Variants in EPPK1 observed in about 807,000 individuals in gnomAD.
The protein encoded by EPPK1 is epiplakin.
For missense variants in EPPK1, 3,823 were observed against 3,673.3 expected (o/e 1.04, Z -1.05); for synonymous variants, 1,862 against 1,721.2 (o/e 1.08, Z -2.03).
chr8:143,866,088 G>A lies in EPPK1; in HGVS notation c.7166C>T (p.Pro2389Leu). 3.7e-6 allele frequency: 1 copy of A among 272,444 alleles called. No homozygotes were observed. Among genetic ancestry groups the A allele is most frequent in the East Asian group, 6.8e-5 (1 of 14,672 alleles). The allele number at this position is 272,444 out of a possible 1,614,324, so 16.9% of individuals were successfully genotyped here. A position where few individuals can be genotyped will look rare whatever the true frequency, so the allele number is the denominator to read the frequency against. ...GTACGTGAGGTTCTCGTGCGTGTTG[G>A]GGTCGAAGAAGCCCTTGGTGTCGTC... Reference protein sequence around the residue: ...PSDDTKGFFDPNTHENLTYVQ... With the variant: ...PSDDTKGFFDLNTHENLTYVQ... The change falls in exon 2 of 2, where the codon CCC (proline) becomes CTC (leucine). Residue 2389 changes from proline to leucine, a missense_variant. Pro to Leu is a moderately conservative substitution (Grantham distance 98). Coordinates refer to ENST00000615648, the MANE Select transcript of EPPK1 (RefSeq NM_031308.4).
At chr8:143,876,860 G>A (rs994532106) in intron 1 of EPPK1, among the ~76,000 whole-genome samples, 16 of 152,224 alleles carry the variant, frequency 1.1e-4, no homozygotes, top group African/African-American at 2.7e-4. Flanking sequence ...GGGGCAGTGC[G>A]GGCCAGGGTG....
chr8:143,866,077 C>T lies in EPPK1; in HGVS notation c.7177G>A (p.Glu2393Lys). The part of the protein sequence containing the change: ...TKGFFDPNTH[E>K]NLTYVQLLRR... Reference sequence around the variant, plus strand: ...AGCAGCTGCACGTACGTGAGGTTCTCGTGCGTGTTGGGGTCGAAGAAGCCC... The same window carrying T: ...AGCAGCTGCACGTACGTGAGGTTCTTGTGCGTGTTGGGGTCGAAGAAGCCC... Residue 2393 changes from glutamate (E) to lysine (K), a missense_variant, in exon 2 of 2, where the codon GAG (glutamate) becomes AAG (lysine). Physicochemically the swap from Glu to Lys is moderately conservative, Grantham distance 56 (BLOSUM62 1). Transcript: ENST00000615648. 13 of 249,174 alleles carry T rather than the reference C, an allele frequency of 5.2e-5. No individual in the cohort carries two copies. The highest frequency in any genetic ancestry group is 6.8e-5 in the Non-Finnish European group (10 of 147,484). 15.4% of individuals were successfully genotyped at this position (249,174 alleles called of 1,614,324 possible).
rs373806117 is a variant in EPPK1 at position 143,867,461 on chromosome 8, C to T, written c.5793G>A (p.Leu1931=). 145 of 1,612,566 alleles carry T rather than the reference C, an allele frequency of 9.0e-5. No individual in the cohort carries two copies. The African/African-American group carries it at 1.7e-3, about 18-fold the overall frequency. ...LIPAAFATWL[L]EAQAATGFLL... is the part of the protein sequence containing the mutation. ...GGAACCCGGTGGCGGCCTGCGCCTC[C>T]AGCAGCCAAGTCGCAAATGCTGCAG... Residue 1931 remains leucine, a synonymous_variant, in exon 2 of 2, where the codon CTG becomes CTA. Coordinates refer to ENST00000615648, the MANE Select transcript of EPPK1 (RefSeq NM_031308.4).
Position 143,867,632 on chromosome 8 carries a change from A to G in EPPK1, c.5622T>C (p.Arg1874=). 6.2e-7 allele frequency: 1 copy of G among 1,613,256 alleles called. No individual in the cohort carries two copies. The highest frequency in any genetic ancestry group is 1.1e-5 in the South Asian group (1 of 91,084). ...GTGCCTGTCCCCCAGTCCTCCCCACACGAAGTGTGTGCAGGGTCTTCTGAT... is the reference window on the plus strand; with the variant it reads ...GTGCCTGTCCCCCAGTCCTCCCCACGCGAAGTGTGTGCAGGGTCTTCTGAT... ...VIDQKTLHTL[R]VGRTGGQALS... Residue 1874 remains arginine, a synonymous_variant, in exon 2 of 2, where the codon CGT becomes CGC. Transcript: ENST00000615648.
chr8:143,857,909 A>AC lies in EPPK1; in HGVS notation c.*77_*78insG, dbSNP rs1250109577. 2.0e-5 allele frequency: 16 copies of AC among 793,880 alleles called. No homozygotes were observed. Among genetic ancestry groups the AC allele is most frequent in the South Asian group, 1.1e-4 (4 of 37,034 alleles). The allele number at this position is 793,880 out of a possible 1,614,324, so 49.2% of individuals were successfully genotyped here. Reference sequence around the variant, plus strand: ...ATTAAAGAATGACAAAAAAAAAAAAAAAAAAAAAAACAACCCAGACACACA... The same window carrying AC: ...ATTAAAGAATGACAAAAAAAAAAAAACAAAAAAAAAACAACCCAGACACACA... On this transcript the variant is annotated 3_prime_UTR_variant, in exon 2 of 2. Coordinates refer to ENST00000615648, the MANE Select transcript of EPPK1 (RefSeq NM_031308.4).
Position 143,870,274 on chromosome 8 carries a change from C to A in EPPK1, c.2980G>T (p.Gly994Trp). The change falls in exon 2 of 2, where the codon GGG becomes TGG. Residue 994 changes from glycine (G) to tryptophan (W), a missense_variant. Coordinates refer to ENST00000615648, the MANE Select transcript of EPPK1 (RefSeq NM_031308.4). The surrounding 1 kb of genome is among the most constrained non-coding windows in gnomAD (Gnocchi z 5.2). ...TTCAGCCTGCCATACAGCTCCGGCC[C>A]CACCACACCCCTGCGCACGGCCTCA... ...VDEAVRRGVV[G>W]PELYGRLKRA... 1 of 1,592,798 alleles carries A rather than the reference C, an allele frequency of 6.3e-7. No homozygotes were observed. The highest frequency in any genetic ancestry group is 8.5e-7 in the Non-Finnish European group (1 of 1,173,640).
At position 143,869,780 on chromosome 8, in the gene EPPK1, C is replaced by T; in HGVS notation, c.3474G>A (p.Arg1158=). 6.2e-7 allele frequency: 1 copy of T among 1,605,298 alleles called. No individual in the cohort carries two copies. The highest frequency in any genetic ancestry group is 1.1e-5 in the South Asian group (1 of 89,432). The change falls in exon 2 of 2, where the codon CGG becomes CGA. Residue 1158 remains arginine (R), a synonymous_variant. Transcript: ENST00000615648. ...LSSCHFTEEQ[R]RGLLEDVQEG... ...CCTGCACGTCCTCCAGCAGGCCCCT[C>T]CGTTGCTCCTCGGTGAAGTGGCAGG... is the stretch of plus-strand genomic sequence containing the variant.
Position 143,869,146 on chromosome 8 carries a change from G to C in EPPK1, c.4108C>G (p.His1370Asp), listed in dbSNP as rs1252176868. 6.2e-7 allele frequency: 1 copy of C among 1,606,492 alleles called. No individual in the cohort carries two copies. Among genetic ancestry groups the C allele is most frequent in the African/African-American group, 1.3e-5 (1 of 74,912 alleles). ...LATGGVVDPV[H>D]GVHLPQAAAC... The stretch of plus-strand genomic sequence containing the variant: ...GCCGCCTGGGGCAGGTGCACCCCGT[G>C]GACAGGGTCCACCACACCCCCTGTG... The change falls in exon 2 of 2, where the codon CAC (histidine) becomes GAC (aspartate). Residue 1370 changes from histidine (H) to aspartate (D), a missense_variant. His to Asp is a moderately conservative substitution (Grantham distance 81, BLOSUM62 -1). Transcript: ENST00000615648.
At position 143,869,615 on chromosome 8, in the gene EPPK1, G is replaced by T. The variant is rs1554660430; in HGVS notation, c.3639C>A (p.Ile1213=). 1.3e-6 allele frequency: 2 copies of T among 1,577,218 alleles called. No individual in the cohort carries two copies. The highest frequency in any genetic ancestry group is 1.7e-6 in the Non-Finnish European group (2 of 1,161,828). The stretch of plus-strand genomic sequence containing the variant: ...GGGCCTCAAGGGTCTCCTGGGTGAT[G>T]ATGCCAGCATCCAGCAGCCAGACAG... ...VPAVWLLDAG[I]ITQETLEALA... is the part of the protein sequence containing the mutation. Residue 1213 remains isoleucine (I), a synonymous_variant, in exon 2 of 2, where the codon ATC becomes ATA. Transcript: ENST00000615648.
rs1305384442 is a variant in EPPK1 at position 143,868,857 on chromosome 8, C to T, written c.4397G>A (p.Ser1466Asn). Residue 1466 changes from serine to asparagine, a missense_variant, in exon 2 of 2, where the codon AGC becomes AAC. Physicochemically the swap from Ser to Asn is conservative, Grantham distance 46. Transcript: ENST00000615648. Reference sequence around the variant, plus strand: ...GAGCAGCAGGTCCCAGAGTGACACGCTACACCCCTTAAACCTCCCTGTGCT... The same window carrying T: ...GAGCAGCAGGTCCCAGAGTGACACGTTACACCCCTTAAACCTCCCTGTGCT... ...PVSTGRFKGC[S>N]VSLWDLLLSE... 7 of 1,609,316 alleles carry T rather than the reference C, an allele frequency of 4.3e-6. No homozygotes were observed. Among genetic ancestry groups the T allele is most frequent in the Non-Finnish European group, 5.9e-6 (7 of 1,179,790 alleles).
chr8:143,872,181 A>T lies in EPPK1; in HGVS notation c.1073T>A (p.Val358Glu), dbSNP rs1819376420. 6.3e-7 allele frequency: 1 copy of T among 1,595,946 alleles called. No homozygotes were observed. Among genetic ancestry groups the T allele is most frequent in the Non-Finnish European group, 8.5e-7 (1 of 1,171,824 alleles). The change falls in exon 2 of 2, where the codon GTG becomes GAG. Residue 358 changes from valine (V) to glutamate (E), a missense_variant. Coordinates refer to ENST00000615648, the MANE Select transcript of EPPK1 (RefSeq NM_031308.4). ...VSPELHEQLL[V>E]AEQAVTGHHD... ...GTGCCCTGTCACGGCCTGCTCGGCCACCAGGAGCTGCTCATGGAGCTCTGG... is the reference window on the plus strand; with the variant it reads ...GTGCCCTGTCACGGCCTGCTCGGCCTCCAGGAGCTGCTCATGGAGCTCTGG...
At position 143,869,622 on chromosome 8, in the gene EPPK1, G is replaced by A. The variant is rs1554660436; in HGVS notation, c.3632C>T (p.Ala1211Val). ...GEVPAVWLLD[A>V]GIITQETLEA... ...AAGGGTCTCCTGGGTGATGATGCCA[G>A]CATCCAGCAGCCAGACAGCGGGTAC... Residue 1211 changes from alanine (A) to valine (V), a missense_variant, in exon 2 of 2, where the codon GCT becomes GTT. Transcript: ENST00000615648. 1.3e-6 allele frequency: 2 copies of A among 1,579,438 alleles called. No homozygotes were observed. Among genetic ancestry groups the A allele is most frequent in the South Asian group, 1.1e-5 (1 of 87,280 alleles).
chr8:143,878,725 C>CT (rs1239900549), upstream of EPPK1, among the ~76,000 whole-genome samples: 239 of 146,142 alleles, frequency 1.6e-3, no homozygotes, highest in Middle Eastern at 7.1e-3. Flanking sequence ...TTCAGAACAG[C>CT]TTTTTTTTTT....
rs782364262 is a variant in EPPK1, at chr8:143,868,647, G to A, written c.4607C>T (p.Ala1536Val). 33 of 1,589,150 alleles carry A rather than the reference G, an allele frequency of 2.1e-5. No homozygotes were observed. The highest frequency in any genetic ancestry group is 4.6e-5 in the East Asian group (2 of 43,534). The change falls in exon 2 of 2, where the codon GCG becomes GTG. Residue 1536 changes from alanine to valine, a missense_variant. By Grantham distance (64) the Ala-to-Val change is moderately conservative. Transcript: ENST00000615648. ...KQVSARDLFR[A>V]QLISRKTLDE... ...CAGCGTCTTCCTGCTGATCAGCTGCGCCCTGAACAGGTCCCTGGCTGACAC... is the reference window on the plus strand; with the variant it reads ...CAGCGTCTTCCTGCTGATCAGCTGCACCCTGAACAGGTCCCTGGCTGACAC...
rs552845910 is a variant in EPPK1 at position 143,857,543 on chromosome 8, A to T, written c.*444T>A. On this transcript the variant is annotated 3_prime_UTR_variant, in exon 2 of 2. Transcript: ENST00000615648. ...AGAGCCAGGGCACTAAATAGTAGAC[A>T]CTGGCTGATGGAAAATGAGTTTGAA... The T allele has an allele frequency of 3.9e-4, 64 of 162,904 alleles. 1 individual carries two copies. The South Asian group carries it at 0.011, about 27-fold the overall frequency. 10.1% of individuals were successfully genotyped at this position (162,904 alleles called of 1,614,324 possible). A position where few individuals can be genotyped will look rare whatever the true frequency, so the allele number is the denominator to read the frequency against.
chr8:143,868,092 G>T lies in EPPK1; in HGVS notation c.5162C>A (p.Pro1721His). 4 of 1,613,398 alleles carry T rather than the reference G, an allele frequency of 2.5e-6. No individual in the cohort carries two copies. The highest frequency in any genetic ancestry group is 3.4e-6 in the Non-Finnish European group (4 of 1,180,018). Reference protein sequence around the residue: ...DEEMNRILADPSDDTKGFFDP... With the variant: ...DEEMNRILADHSDDTKGFFDP... ...GAAGAAGCCCTTGGTGTCGTCGCTG[G>T]GGTCCGCCAGGATGCGGTTCATCTC... is the stretch of plus-strand genomic sequence containing the variant. Residue 1721 changes from proline (P) to histidine (H), a missense_variant, in exon 2 of 2, where the codon CCC (proline) becomes CAC (histidine). Pro to His is a moderately conservative substitution (Grantham distance 77). Coordinates refer to ENST00000615648, the MANE Select transcript of EPPK1 (RefSeq NM_031308.4).
rs782089016 is a variant in EPPK1, at chr8:143,872,129, G to T, written c.1125C>A (p.Ile375=). 1 of 1,567,178 alleles carries T rather than the reference G, an allele frequency of 6.4e-7. No homozygotes were observed. Residue 375 remains isoleucine, a synonymous_variant, in exon 2 of 2, where the codon ATC becomes ATA. Transcript: ENST00000615648. ...GHHDPFSGSQ[I]PLFQAMKKGL... Reference sequence around the variant, plus strand: ...CCTTCTTCATGGCCTGGAAAAGGGGGATTTGGGAGCCACTGAAGGGGTCGT... The same window carrying T: ...CCTTCTTCATGGCCTGGAAAAGGGGTATTTGGGAGCCACTGAAGGGGTCGT...
chr8:143,879,154 G>A (rs1186634888), upstream of EPPK1, among the ~76,000 whole-genome samples: 1 of 152,192 alleles, frequency 6.6e-6, no homozygotes, highest in African/African-American at 2.4e-5. Flanking sequence ...CTGGCCTGGG[G>A]GCAGCCTCAG....
chr8:143,867,252 G>GC lies in EPPK1; in HGVS notation c.6001dup (p.Ala2001GlyfsTer97). The GC allele has an allele frequency of 6.2e-7, 1 of 1,612,560 alleles. No homozygotes were observed. The highest frequency in any genetic ancestry group is 1.3e-5 in the African/African-American group (1 of 75,018). On this transcript the variant is annotated frameshift_variant, in exon 2 of 2. Transcript: ENST00000615648. LOFTEE classifies it low-confidence loss of function (END_TRUNC). ...CACCTCCAGCAGCCTCAGTGCCTCC[G>GC]CCTTCTCGATGAGCTGCTTCTGCAT...
Sources: gnomAD v4.1 joint callset for allele counts (sites outside exome capture counted in the v4.1 genomes callset) on GRCh38, gnomAD v4.1.1 for gene constraint, Gnocchi (gnomAD v3.1) non-coding constraint, MANE v1.5 for transcripts, NCBI Gene and HGNC (gene_info 2026-07-23, HGNC 2026-07-21) for gene names.